The following CFAP95 variants were observed in gnomAD, a reference collection of about 807,000 sequenced individuals.
CFAP95 encodes the protein cilia- and flagella-associated protein 95.
At chr9:69,845,571 C>A in the CFAP95 span, among the ~76,000 whole-genome samples, 1 of 152,292 alleles carries the variant, frequency 6.6e-6, no homozygotes, top group Middle Eastern at 3.4e-3. Context: ...GTAATGAGGA[C>A]AAATTAGCTT....
At chr9:69,859,702 C>T in the CFAP95 span, among the ~76,000 whole-genome samples, 325 of 152,184 alleles carry the variant, frequency 2.1e-3, 2 homozygotes, top group African/African-American at 7.2e-3. Context: ...GGATATGTTC[C>T]GAGAAATGTG....
the CFAP95 span, among the ~76,000 whole-genome samples, chr9:69,830,385 C>T: frequency 2.6e-5 from 4 of 152,106 alleles, no homozygotes; most frequent in East Asian, 1.9e-4. Flanking sequence ...AGAGTTACTG[C>T]AGTGGAGAAG....
the CFAP95 span, among the ~76,000 whole-genome samples, chr9:69,839,910 T>C: frequency 4.3e-4 from 65 of 151,106 alleles, no homozygotes; most frequent in African/African-American, 1.6e-3. Flanking sequence ...ACCCCATCTC[T>C]ACTAAAAATA....
chr9:69,898,462 G>T, the CFAP95 span, among the ~76,000 whole-genome samples: 1 of 152,092 alleles, frequency 6.6e-6, no homozygotes, highest in Non-Finnish European at 1.5e-5. Context: ...GTATAATTTC[G>T]AACTTACAGG....
chr9:69,868,134 G>A, the CFAP95 span, among the ~76,000 whole-genome samples: 1 of 152,062 alleles, frequency 6.6e-6, no homozygotes, highest in Non-Finnish European at 1.5e-5. Context: ...AAATTGTGGG[G>A]ACTGATGAGC....
At chr9:69,856,261 A>G in the CFAP95 span, among the ~76,000 whole-genome samples, 2 of 152,214 alleles carry the variant, frequency 1.3e-5, no homozygotes, top group Non-Finnish European at 2.9e-5. Flanking sequence ...ACCAACCCTG[A>G]AAAGGATAAA....
chr9:69,862,766 A>G, the CFAP95 span, among the ~76,000 whole-genome samples: 3 of 152,244 alleles, frequency 2.0e-5, no homozygotes, highest in African/African-American at 7.2e-5. Flanking sequence ...TCCGTTACAC[A>G]GAAACGGCAT....
At chr9:69,876,118 A>G in the CFAP95 span, among the ~76,000 whole-genome samples, 2 of 152,240 alleles carry the variant, frequency 1.3e-5, no homozygotes, top group Non-Finnish European at 2.9e-5. Flanking sequence ...TTGCTTGAAC[A>G]TATTTATTGT....
chr9:69,848,368 G>A, the CFAP95 span, among the ~76,000 whole-genome samples: 1 of 152,032 alleles, frequency 6.6e-6, no homozygotes, highest in African/African-American at 2.4e-5. Context: ...GAGATGGGAG[G>A]GCATCTAGCT....
At chr9:69,857,308 C>T in the CFAP95 span, among the ~76,000 whole-genome samples, 2 of 152,134 alleles carry the variant, frequency 1.3e-5, no homozygotes, top group Non-Finnish European at 2.9e-5. Flanking sequence ...TAGTTGTCAT[C>T]CTGCATCCTG....
At chr9:69,892,105 CAT>C in the CFAP95 span, among the ~76,000 whole-genome samples, 3 of 152,158 alleles carry the variant, frequency 2.0e-5, no homozygotes, top group African/African-American at 7.2e-5. Context: ...ATAAAATATA[CAT>C]GATATAAAAT....
the CFAP95 span, among the ~76,000 whole-genome samples, chr9:69,894,327 A>G: frequency 7.9e-5 from 12 of 152,216 alleles, no homozygotes; most frequent in African/African-American, 2.9e-4. Context: ...TAGAACTTCC[A>G]TGGACTACCG....
chr9:69,891,059 A>G, the CFAP95 span, among the ~76,000 whole-genome samples: 1 of 152,208 alleles, frequency 6.6e-6, no homozygotes. Flanking sequence ...AAGAACCAGA[A>G]CAGCGGAAAA....
chr9:69,895,513 CT>C, the CFAP95 span, among the ~76,000 whole-genome samples: 4 of 152,138 alleles, frequency 2.6e-5, no homozygotes, highest in East Asian at 7.7e-4. Context: ...TCTCAATGAT[CT>C]TTTCCCATTG....
chr9:69,877,156 A>G, the CFAP95 span, among the ~76,000 whole-genome samples: 1 of 152,178 alleles, frequency 6.6e-6, no homozygotes, highest in Non-Finnish European at 1.5e-5. Flanking sequence ...TTTTTATAAG[A>G]CTAAAGGTTT....
the CFAP95 span, among the ~76,000 whole-genome samples, chr9:69,871,687 G>A: frequency 6.6e-6 from 1 of 152,212 alleles, no homozygotes. Context: ...GAGGGTGATG[G>A]GGCCATTCAC....
chr9:69,864,330 C>CGT, the CFAP95 span, among the ~76,000 whole-genome samples: 601 of 150,254 alleles, frequency 4.0e-3, 2 homozygotes, highest in East Asian at 5.5e-3. Context: ...TGTGTGTATA[C>CGT]GTGTGTGTGT....
At chr9:69,871,803 T>C in the CFAP95 span, among the ~76,000 whole-genome samples, 1 of 152,116 alleles carries the variant, frequency 6.6e-6, no homozygotes, top group African/African-American at 2.4e-5. Context: ...CAAACATAGG[T>C]ATCCTAGCTG....
At chr9:69,843,708 A>C in the CFAP95 span, among the ~76,000 whole-genome samples, 3 of 148,410 alleles carry the variant, frequency 2.0e-5, no homozygotes, top group Non-Finnish European at 4.4e-5. Context: ...TCAGTGGCAC[A>C]ATCATGGCTG....
Sources: gnomAD v4.1 joint callset for allele counts (sites outside exome capture counted in the v4.1 genomes callset) on GRCh38, gnomAD v4.1.1 for gene constraint, MANE v1.5 for transcripts, NCBI Gene and HGNC (gene_info 2026-07-23, HGNC 2026-07-21) for gene names.